Variants in CTIF observed in about 807,000 individuals in gnomAD.
CTIF encodes cap binding complex dependent translation initiation factor.
A neutral mutation model predicts 66.0 loss-of-function variants in CTIF; 21 were observed. The observed-to-expected ratio is 0.32, with a 90% CI of 0.23 to 0.46. The LOEUF (loss-of-function observed/expected upper bound fraction) is 0.46, where lower values mean the gene tolerates loss of function less well. Ranked by LOEUF, CTIF falls within the 20% of genes least tolerant of loss-of-function variation. The pLI is 1.00. For synonymous variants in CTIF, 345 were observed against 326.4 expected (o/e 1.06, Z -0.62); for missense variants, 739 against 812.7 (o/e 0.91, Z 1.10).
intron 9 of CTIF, among the ~76,000 whole-genome samples, chr18:48,814,165 G>A (rs1031750426): frequency 1.3e-5 from 2 of 152,218 alleles, no homozygotes; most frequent in African/African-American, 4.8e-5. Context: ...GTTCTTTGAT[G>A]TGTGCCTTCA....
intron 6 of CTIF, among the ~76,000 whole-genome samples, chr18:48,679,678 G>C (rs1224187430): frequency 1.3e-5 from 2 of 152,136 alleles, no homozygotes; most frequent in Non-Finnish European, 2.9e-5. Flanking sequence ...TCATGGCCCT[G>C]TTCCAATTTC....
At chr18:48,744,983 C>T (rs541470883) in intron 7 of CTIF, among the ~76,000 whole-genome samples, 8 of 152,174 alleles carry the variant, frequency 5.3e-5, no homozygotes, top group South Asian at 4.1e-4. Flanking sequence ...CCACCACACC[C>T]GGCTAATTTT....
chr18:48,758,271 C>G lies in CTIF; in HGVS notation c.937C>G (p.Pro313Ala). 1.2e-6 allele frequency: 2 copies of G among 1,613,442 alleles called. No homozygotes were observed. Among genetic ancestry groups the G allele is most frequent in the Non-Finnish European group, 1.7e-6 (2 of 1,179,860 alleles). ...LAPVASERLP[P>A]QQSGGPEVET... ...CCCGGTGGCTTCTGAGCGGCTGCCC[C>G]CACAGCAGTCAGGGGGGCCAGAGGT... The change falls in exon 8 of 12, where the codon CCA (proline) becomes GCA (alanine). Residue 313 changes from proline (P) to alanine (A), a missense_variant. By Grantham distance (27) the Pro-to-Ala change is conservative (BLOSUM62 -1). Around this residue, in one of 2 missense-constraint regions of CTIF, gnomAD observed 529 missense variants for 520.3 expected, o/e 1.02. Transcript: ENST00000256413.
intron 1 of CTIF, among the ~76,000 whole-genome samples, chr18:48,586,276 C>CT (rs545720420): frequency 0.019 from 2,632 of 138,476 alleles, 28 homozygotes; most frequent in African/African-American, 0.027. Flanking sequence ...CACACTTTTA[C>CT]TTTTTTTTTT....
At chr18:48,812,211 G>A (rs1423267157) in intron 9 of CTIF, among the ~76,000 whole-genome samples, 1 of 152,168 alleles carries the variant, frequency 6.6e-6, no homozygotes, top group Non-Finnish European at 1.5e-5. Context: ...CGATCGACCT[G>A]CCTTGGCCTC....
intron 6 of CTIF, among the ~76,000 whole-genome samples, chr18:48,709,160 G>C (rs1341331265): frequency 6.6e-6 from 1 of 152,190 alleles, no homozygotes; most frequent in Admixed American, 6.5e-5. Flanking sequence ...TAGAGGTTAG[G>C]TCATCTGCTC....
intron 7 of CTIF, among the ~76,000 whole-genome samples, chr18:48,739,167 T>G (rs938792255): frequency 1.3e-5 from 2 of 152,228 alleles, no homozygotes; most frequent in Admixed American, 6.5e-5. Flanking sequence ...GTCATTACTC[T>G]TCATACTCCC....
rs1383575501 is a variant in CTIF at position 48,862,750 on chromosome 18, G to A, written c.*3191G>A. On this transcript the variant is annotated 3_prime_UTR_variant, in exon 12 of 12. Transcript: ENST00000256413. ...AGATCAGGCCGGGGCAGCTGTAGGG[G>A]CGGGGGCCCAGACAGCCAGGCCGCC... 6.6e-6 allele frequency: 1 copy of A among 152,364 alleles called. No homozygotes were observed. The highest frequency in any genetic ancestry group is 1.5e-5 in the Non-Finnish European group (1 of 68,080). 9.4% of individuals were successfully genotyped at this position (152,364 alleles called of 1,614,324 possible).
At position 48,761,793 on chromosome 18, in the gene CTIF, T is replaced by G. The variant is rs1039988212; in HGVS notation, c.1371+104T>G. 8.5e-5 allele frequency: 98 copies of G among 1,158,258 alleles called. 1 individual carries two copies. Among genetic ancestry groups the G allele is most frequent in the Admixed American group, 4.1e-4 (17 of 41,520 alleles). 71.7% of individuals were successfully genotyped at this position (1,158,258 alleles called of 1,614,324 possible). A position where few individuals can be genotyped will look rare whatever the true frequency, so the allele number is the denominator to read the frequency against. ...CGAGTTCTGGCCACAGTTGGACTTT[T>G]CCCAAGTTCCGCCCTTGCCCGATTA... On this transcript the variant is annotated intron_variant, in intron 9 of 11. Coordinates refer to ENST00000256413, the MANE Select transcript of CTIF (RefSeq NM_014772.3). This position sits in a 1 kb window ranked among gnomAD's most constrained non-coding sequence, Gnocchi z 4.2.
At chr18:48,817,777 A>G (rs895178632) in intron 10 of CTIF, among the ~76,000 whole-genome samples, 5 of 88,748 alleles carry the variant, frequency 5.6e-5, no homozygotes, top group Non-Finnish European at 1.1e-4. Flanking sequence ...TCGGTCTCCA[A>G]AAAAAAAAAA....
At chr18:48,769,286 T>C (rs187449944) in intron 9 of CTIF, among the ~76,000 whole-genome samples, 1 of 152,310 alleles carries the variant, frequency 6.6e-6, no homozygotes, top group Admixed American at 6.5e-5. Flanking sequence ...GCCCTGGCCA[T>C]ACCCACATCG....
chr18:48,634,645 C>T (rs943206082), intron 2 of CTIF, among the ~76,000 whole-genome samples: 1 of 152,234 alleles, frequency 6.6e-6, no homozygotes, highest in Admixed American at 6.5e-5. Flanking sequence ...GAGAAATGCC[C>T]TCTTCCTGTC....
intron 1 of CTIF, among the ~76,000 whole-genome samples, chr18:48,615,989 G>A (rs755702974): frequency 6.6e-6 from 1 of 152,228 alleles, no homozygotes; most frequent in African/African-American, 2.4e-5. Flanking sequence ...TGGGTTTGGG[G>A]TGATGACCAT....
intron 6 of CTIF, among the ~76,000 whole-genome samples, chr18:48,710,798 C>T (rs2092214556): frequency 6.6e-6 from 1 of 152,040 alleles, no homozygotes; most frequent in African/African-American, 2.4e-5. Flanking sequence ...AAAGTGAGAC[C>T]CCATCTCTGC....
At chr18:48,571,827 A>C (rs1258161184) in intron 1 of CTIF, among the ~76,000 whole-genome samples, 8 of 152,110 alleles carry the variant, frequency 5.3e-5, no homozygotes, top group Admixed American at 5.2e-4. Flanking sequence ...TCTCCAGAGA[A>C]ACAGAACCAT....
At chr18:48,577,923 ACTAT>A (rs572272780) in intron 1 of CTIF, among the ~76,000 whole-genome samples, 2,062 of 152,324 alleles carry the variant, frequency 0.014, 21 homozygotes, top group South Asian at 0.064. Context: ...AACCCTCAAC[ACTAT>A]CTAACCCCAG....
intron 10 of CTIF, among the ~76,000 whole-genome samples, chr18:48,841,388 C>A (rs888740211): frequency 4.6e-5 from 7 of 152,244 alleles, no homozygotes; most frequent in Non-Finnish European, 8.8e-5. Flanking sequence ...AGAACTCAAC[C>A]TCTCTGCCTA....
At chr18:48,814,014 C>A (rs2068312364) in intron 9 of CTIF, among the ~76,000 whole-genome samples, 1 of 152,208 alleles carries the variant, frequency 6.6e-6, no homozygotes, top group East Asian at 1.9e-4. Flanking sequence ...TCAAGCTACC[C>A]CCTGTCTTTG....
chr18:48,834,033 TTCCCCTCCCC>T (rs143137878), intron 10 of CTIF, among the ~76,000 whole-genome samples: 3 of 150,826 alleles, frequency 2.0e-5, no homozygotes. Flanking sequence ...TCCCCCTCCT[TTCCCCTCCCC>T]TCCCCTCCCG....
Sources: allele counts gnomAD v4.1 joint callset (sites outside exome capture counted in the v4.1 genomes callset), GRCh38; gene constraint gnomAD v4.1.1; regional missense constraint gnomAD v4.1.1; non-coding constraint Gnocchi (gnomAD v3.1); transcripts MANE v1.5; gene names NCBI Gene and HGNC (gene_info 2026-07-23, HGNC 2026-07-21).